The following TG variants were observed in gnomAD, a reference collection of about 807,000 sequenced individuals.
TG encodes thyroid hormones.
Under a neutral mutation model 324.7 loss-of-function variants are expected in TG, and 270 were observed. The ratio of observed to expected loss-of-function variants is 0.83; its 90% CI spans 0.75 to 0.92. TG has a LOEUF of 0.92. Ranked by LOEUF, TG falls within the 40% of genes least tolerant of loss-of-function variation. The pLI is 0.00. For missense variants in TG, 3,591 were observed against 3,456.4 expected (o/e 1.04, Z -0.98); for synonymous variants, 1,401 against 1,327.0 (o/e 1.06, Z -1.21).
At chr8:132,872,701 T>C (rs952276007) in intron 4 of TG, among the ~76,000 whole-genome samples, 4 of 152,120 alleles carry the variant, frequency 2.6e-5, no homozygotes, top group African/African-American at 9.7e-5. Context: ...CATACAGGTG[T>C]ACTATTCTTT....
intron 19 of TG, among the ~76,000 whole-genome samples, chr8:132,912,084 C>A (rs995581378): frequency 6.6e-6 from 1 of 152,218 alleles, no homozygotes; most frequent in South Asian, 2.1e-4. Flanking sequence ...TTCTCTTCCA[C>A]CATCCAGTGG....
intron 35 of TG, among the ~76,000 whole-genome samples, chr8:133,009,848 T>A (rs1834346647): frequency 6.6e-6 from 1 of 150,750 alleles, no homozygotes; most frequent in Non-Finnish European, 1.5e-5. Flanking sequence ...CCTCCAGAAC[T>A]GTGAGAAATA....
At chr8:132,994,773 C>A in intron 35 of TG, 1 of 1,287,746 alleles carries the variant, frequency 7.8e-7, no homozygotes, top group Non-Finnish European at 1.0e-6. Context: ...TGAGGGCTTC[C>A]GTATAACTGG....
intron 41 of TG, chr8:133,076,010 G>A (rs1442535931): frequency 6.6e-6 from 1 of 152,100 alleles, no homozygotes; most frequent in East Asian, 1.9e-4. Context: ...CCTACTTACA[G>A]TACGTGAGTC....
intron 27 of TG, among the ~76,000 whole-genome samples, chr8:132,959,400 A>G (rs1012069588): frequency 6.6e-6 from 1 of 152,354 alleles, no homozygotes; most frequent in Admixed American, 6.5e-5. Flanking sequence ...AATGCATAAG[A>G]TTATAATGGA....
chr8:133,014,083 A>T (rs910508080), intron 37 of TG, among the ~76,000 whole-genome samples: 2 of 152,232 alleles, frequency 1.3e-5, no homozygotes, highest in South Asian at 4.1e-4. Context: ...TGGTCCTCAC[A>T]TTAATCCTGT....
At chr8:132,897,828 CT>C in intron 12 of TG, 42 bp downstream of exon 12, 1 of 1,612,392 alleles carries the variant, frequency 6.2e-7, no homozygotes, top group Non-Finnish European at 8.5e-7. Flanking sequence ...AGTGACACCC[CT>C]TTTTTATTTT....
At chr8:132,909,442 G>A (rs1278160665) in intron 18 of TG, among the ~76,000 whole-genome samples, 1 of 152,164 alleles carries the variant, frequency 6.6e-6, no homozygotes, top group East Asian at 1.9e-4. Flanking sequence ...GAATCCAGGG[G>A]ACTAGAGAGC....
chr8:133,030,669 G>T (rs1836554089), intron 41 of TG, among the ~76,000 whole-genome samples: 1 of 152,240 alleles, frequency 6.6e-6, no homozygotes, highest in African/African-American at 2.4e-5. Flanking sequence ...ATTACTGGGG[G>T]TTGAGGGACA....
intron 35 of TG, among the ~76,000 whole-genome samples, chr8:132,987,777 A>G (rs1255603717): frequency 1.3e-5 from 2 of 151,800 alleles, no homozygotes; most frequent in African/African-American, 4.8e-5. Flanking sequence ...AGTCTACTTC[A>G]AAGAAAGAAT....
chr8:133,022,665 A>T (rs1230442954), intron 40 of TG, among the ~76,000 whole-genome samples: 2 of 152,006 alleles, frequency 1.3e-5, no homozygotes, highest in Non-Finnish European at 2.9e-5. Flanking sequence ...CTCATCACAA[A>T]CCTGTTGATC....
chr8:133,083,672 ATCTC>A (rs1385105206), intron 41 of TG, among the ~76,000 whole-genome samples: 4 of 152,036 alleles, frequency 2.6e-5, no homozygotes, highest in African/African-American at 9.7e-5. Flanking sequence ...AAAGCCCATG[ATCTC>A]TCTATTTTTT....
chr8:133,085,055 A>G (rs1846311816), intron 41 of TG, among the ~76,000 whole-genome samples: 2 of 152,234 alleles, frequency 1.3e-5, no homozygotes, highest in African/African-American at 4.8e-5. Flanking sequence ...TGAGAACAGC[A>G]TGTAAAGTGC....
rs139055416 is a variant in TG, at chr8:133,116,636, C to T, written c.7782C>T (p.Ile2594=). 2.7e-3 allele frequency: 4,337 copies of T among 1,614,198 alleles called. 6 individuals carry two copies. Among genetic ancestry groups the T allele is most frequent in the Non-Finnish European group, 3.3e-3 (3,902 of 1,180,000 alleles). ...TRDYFIICPI[I]DMASAWAKRA... Reference sequence around the variant, plus strand: ...ACTACTTTATCATCTGCCCTATAATCGACATGGCCAGTGCCTGGGCAAAGA... The same window carrying T: ...ACTACTTTATCATCTGCCCTATAATTGACATGGCCAGTGCCTGGGCAAAGA... Residue 2594 remains isoleucine, a synonymous_variant, in exon 45 of 48, where the codon ATC becomes ATT. Coordinates refer to ENST00000220616, the MANE Select transcript of TG (RefSeq NM_003235.5).
At chr8:133,059,981 T>C (rs1842125773) in intron 41 of TG, 1 of 984,658 alleles carries the variant, frequency 1.0e-6, no homozygotes, top group Admixed American at 2.8e-5. Context: ...ACAGATATAA[T>C]GAGCCCTTCG....
Position 132,906,713 on chromosome 8 carries a change from C to A in TG, c.3660C>A (p.Asn1220Lys), listed in dbSNP as rs768761690. Residue 1220 changes from asparagine to lysine, a missense_variant, in exon 17 of 48, where the codon AAC becomes AAA. Asn to Lys is a moderately conservative substitution (Grantham distance 94). Transcript: ENST00000220616. The part of the protein sequence containing the change: ...CESPRCPLPF[N>K]ASEVVGGTIL... ...GCCCGCGGTGTCCGCTGCCATTCAA[C>A]GCGTCGGAGGTGGTTGGTGGAACAA... The A allele has an allele frequency of 6.2e-7, 1 of 1,614,168 alleles. No homozygotes were observed. Among genetic ancestry groups the A allele is most frequent in the East Asian group, 2.2e-5 (1 of 44,868 alleles).
At position 133,134,786 on chromosome 8, in the gene TG, A is replaced by G; in HGVS notation, c.8299A>G (p.Ser2767Gly). ...CCAGGAACCAGGCTCTAAGACCTACAGCAAGTGACCAGCCCTTGAGCTCCC... is the reference window on the plus strand; with the variant it reads ...CCAGGAACCAGGCTCTAAGACCTACGGCAAGTGACCAGCCCTTGAGCTCCC... ...SLQEPGSKTYSK is the reference protein window; with the variant it reads ...SLQEPGSKTYGK Residue 2767 changes from serine (S) to glycine (G), a missense_variant, in exon 48 of 48, where the codon AGC becomes GGC. Ser to Gly is a moderately conservative substitution (Grantham distance 56, BLOSUM62 0). Transcript: ENST00000220616. 6.2e-7 allele frequency: 1 copy of G among 1,614,072 alleles called. No homozygotes were observed. Among genetic ancestry groups the G allele is most frequent in the Non-Finnish European group, 8.5e-7 (1 of 1,179,914 alleles).
chr8:133,049,241 A>C, intron 41 of TG: 1 of 434,550 alleles, frequency 2.3e-6, no homozygotes, highest in Non-Finnish European at 4.6e-6. Context: ...TTTCTAAGAT[A>C]TCTCTTGTTT....
At chr8:132,973,534 A>G (rs567386977) in intron 34 of TG, among the ~76,000 whole-genome samples, 1 of 152,348 alleles carries the variant, frequency 6.6e-6, no homozygotes, top group African/African-American at 2.4e-5. Flanking sequence ...GGTTTGTTCC[A>G]ACTCTGCCAT....
Sources: gnomAD v4.1 joint callset for allele counts (sites outside exome capture counted in the v4.1 genomes callset) on GRCh38, gnomAD v4.1.1 for gene constraint, MANE v1.5 for transcripts, NCBI Gene and HGNC (gene_info 2026-07-23, HGNC 2026-07-21) for gene names.